The following SBSPON variants were observed in gnomAD, a reference collection of about 807,000 sequenced individuals.
SBSPON encodes somatomedin-B and thrombospondin type-1 domain-containing protein.
A neutral mutation model predicts 35.8 loss-of-function variants in SBSPON; 30 were observed. The observed-to-expected ratio is 0.84, with a 90% CI of 0.63 to 1.14. SBSPON has a LOEUF of 1.14. Among genes scored for constraint, SBSPON ranks in the 50% most tolerant of loss-of-function variants. The pLI, the probability that SBSPON is intolerant of heterozygous loss-of-function variation, is 0.00. For missense variants in SBSPON, 364 were observed against 357.7 expected (o/e 1.02, Z -0.14); for synonymous variants, 136 against 135.9 (o/e 1.00, Z 0.00).
At chr8:73,092,564 C>T (rs72655860) in intron 1 of SBSPON, among the ~76,000 whole-genome samples, 1 of 152,130 alleles carries the variant, frequency 6.6e-6, no homozygotes, top group South Asian at 2.1e-4. Context: ...TCGGAGATTT[C>T]GTCTCTCGGC....
chr8:73,077,658 G>A (rs965341034), intron 2 of SBSPON, among the ~76,000 whole-genome samples: 2 of 152,236 alleles, frequency 1.3e-5, no homozygotes, highest in Admixed American at 6.5e-5. Flanking sequence ...TGCTTAGTGC[G>A]TGGAGCCAAA....
At chr8:73,087,272 T>C (rs1810848219) in intron 1 of SBSPON, among the ~76,000 whole-genome samples, 1 of 152,212 alleles carries the variant, frequency 6.6e-6, no homozygotes, top group Non-Finnish European at 1.5e-5. Flanking sequence ...GTGGTGTGAC[T>C]TTGGACAAGT....
intron 1 of SBSPON, among the ~76,000 whole-genome samples, chr8:73,089,498 A>G (rs909973341): frequency 6.6e-6 from 1 of 151,568 alleles, no homozygotes; most frequent in Non-Finnish European, 1.5e-5. Flanking sequence ...GGGGGTTGCA[A>G]TGAGCCAAGA....
At chr8:73,087,539 G>C (rs552003834) in intron 1 of SBSPON, among the ~76,000 whole-genome samples, 1 of 152,206 alleles carries the variant, frequency 6.6e-6, no homozygotes, top group South Asian at 2.1e-4. Context: ...TTTCTTCAAA[G>C]CCAAAGGCGA....
intron 3 of SBSPON, 29 bp downstream of exon 3, chr8:73,071,751 A>AT (rs749025387): frequency 4.4e-5 from 53 of 1,198,976 alleles, no homozygotes; most frequent in South Asian, 3.6e-4. Context: ...GAAAAACATG[A>AT]TTAAAAAAAA....
chr8:73,083,149 A>C (rs1393126443), intron 1 of SBSPON, among the ~76,000 whole-genome samples: 1 of 152,178 alleles, frequency 6.6e-6, no homozygotes, highest in Non-Finnish European at 1.5e-5. Flanking sequence ...TTGGTCTCAC[A>C]GTTGAAGTCC....
At chr8:73,071,574 C>T (rs1219264904) in intron 3 of SBSPON, among the ~76,000 whole-genome samples, 3 of 151,964 alleles carry the variant, frequency 2.0e-5, no homozygotes, top group African/African-American at 7.3e-5. Context: ...GAAGATTGGA[C>T]CTAAGAGGTA....
At chr8:73,091,355 T>C (rs953484471) in intron 1 of SBSPON, among the ~76,000 whole-genome samples, 2 of 152,206 alleles carry the variant, frequency 1.3e-5, no homozygotes, top group Admixed American at 1.3e-4. Context: ...GCTAAGTGTG[T>C]CGAACAGGAG....
rs1489103351 is a variant in SBSPON at position 73,065,035 on chromosome 8, C to T, written c.*2306G>A. On this transcript the variant is annotated 3_prime_UTR_variant, in exon 5 of 5. Coordinates refer to ENST00000297354, the MANE Select transcript of SBSPON (RefSeq NM_153225.4). ...TAAAAACTTTTGGTTTTTCATTCAT[C>T]ACTTGGACTACATGTTTCAGTTCTG... 6.6e-6 allele frequency: 1 copy of T among 152,146 alleles called. No individual in the cohort carries two copies. Among genetic ancestry groups the T allele is most frequent in the Non-Finnish European group, 1.5e-5 (1 of 68,016 alleles). The allele number at this position is 152,146 out of a possible 1,614,324, so 9.4% of individuals were successfully genotyped here.
At position 73,067,433 on chromosome 8, in the gene SBSPON, T is replaced by A. The variant is rs765862370; in HGVS notation, c.703A>T (p.Ile235Phe). ...GTTCCTTGACACCGAGGATTACCAA[T>A]TGCTTGCCAATGGAGAGTCTGATTT... The part of the protein sequence containing the change: ...DGNQTLHWQA[I>F]GNPRCQGTWK... Residue 235 changes from isoleucine to phenylalanine, a missense_variant, in exon 5 of 5, where the codon ATT (isoleucine) becomes TTT (phenylalanine). Coordinates refer to ENST00000297354, the MANE Select transcript of SBSPON (RefSeq NM_153225.4). 8 of 1,609,156 alleles carry A rather than the reference T, an allele frequency of 5.0e-6. No homozygotes were observed. Among genetic ancestry groups the A allele is most frequent in the Admixed American group, 3.3e-5 (2 of 59,918 alleles).
At chr8:73,073,821 AAAAAC>A (rs1810542315) in intron 2 of SBSPON, among the ~76,000 whole-genome samples, 1 of 151,772 alleles carries the variant, frequency 6.6e-6, no homozygotes, top group African/African-American at 2.4e-5. Flanking sequence ...AAACAAAAAC[AAAAAC>A]AAAAAAAAAC....
rs1586104303 is a variant in SBSPON, at chr8:73,092,983, A to G, written c.85T>C (p.Cys29Arg). 1.9e-6 allele frequency: 3 copies of G among 1,560,290 alleles called. No homozygotes were observed. The highest frequency in any genetic ancestry group is 1.2e-5 in the South Asian group (1 of 84,840). The change falls in exon 1 of 5, where the codon TGT (cysteine) becomes CGT (arginine). Residue 29 changes from cysteine to arginine, a missense_variant. Coordinates refer to ENST00000297354, the MANE Select transcript of SBSPON (RefSeq NM_153225.4). ...QAGCAEAGRC[C>R]PGRDPACFAR... The stretch of plus-strand genomic sequence containing the variant: ...AAGCAGGCGGGGTCCCGGCCGGGAC[A>G]GCAGCGCCCGGCCTCGGCGCAGCCG...
chr8:73,085,334 G>A lies in SBSPON; in HGVS notation c.215-4121C>T, dbSNP rs191245709. 9.9e-5 allele frequency: 15 copies of A among 152,062 alleles called. No individual in the cohort carries two copies. In the East Asian group the frequency reaches 2.7e-3, roughly 27 times the overall value. 9.4% of individuals were successfully genotyped at this position (152,062 alleles called of 1,614,324 possible). On this transcript the variant is annotated intron_variant, in intron 1 of 4. Coordinates refer to ENST00000297354, the MANE Select transcript of SBSPON (RefSeq NM_153225.4). Reference sequence around the variant, plus strand: ...CTCCTGCCAGGACCACATTTTGAAAGTAACAAGCTTCTTTACTTTTATTAT... The same window carrying A: ...CTCCTGCCAGGACCACATTTTGAAAATAACAAGCTTCTTTACTTTTATTAT...
At chr8:73,081,646 A>G (rs1218999111) in intron 1 of SBSPON, among the ~76,000 whole-genome samples, 1 of 152,006 alleles carries the variant, frequency 6.6e-6, no homozygotes, top group Non-Finnish European at 1.5e-5. Context: ...AACAACAAAA[A>G]AAAAAGTATA....
At chr8:73,067,890 G>T (rs564436145) in intron 4 of SBSPON, among the ~76,000 whole-genome samples, 1 of 150,710 alleles carries the variant, frequency 6.6e-6, no homozygotes, top group Non-Finnish European at 1.5e-5. Context: ...CCCTTGTTTA[G>T]TTTCTGTCAA....
In SBSPON at chr8:73,069,982, C is replaced by T; in HGVS notation, c.501-1G>A. 1 of 1,550,738 alleles carries T rather than the reference C, an allele frequency of 6.4e-7. No homozygotes were observed. Among genetic ancestry groups the T allele is most frequent in the South Asian group, 1.2e-5 (1 of 82,076 alleles). ...CTCTGTCTTAAACTCCATACAGTAT[C>T]TACAGCAAAAGAAGTAACAATGACA... On this transcript the variant is annotated splice_acceptor_variant, in intron 3 of 4. Coordinates refer to ENST00000297354, the MANE Select transcript of SBSPON (RefSeq NM_153225.4). LOFTEE classifies it high-confidence loss of function.
intron 1 of SBSPON, among the ~76,000 whole-genome samples, chr8:73,084,799 CTT>C (rs1354077998): frequency 7.0e-6 from 1 of 142,010 alleles, no homozygotes; most frequent in South Asian, 2.3e-4. Flanking sequence ...CACACACACA[CTT>C]ATTTCCTCTC....
intron 2 of SBSPON, among the ~76,000 whole-genome samples, chr8:73,080,807 G>C (rs917503146): frequency 6.6e-6 from 1 of 152,118 alleles, no homozygotes; most frequent in Admixed American, 6.5e-5. Flanking sequence ...AACACACCAA[G>C]GGAAGTGAGG....
intron 2 of SBSPON, among the ~76,000 whole-genome samples, chr8:73,076,591 G>A (rs1346055631): frequency 1.3e-5 from 2 of 151,502 alleles, no homozygotes; most frequent in African/African-American, 4.9e-5. Context: ...AGGTTGCAGT[G>A]AGCCATGATC....
Sources: allele counts gnomAD v4.1 joint callset (sites outside exome capture counted in the v4.1 genomes callset), GRCh38; gene constraint gnomAD v4.1.1; transcripts MANE v1.5; gene names NCBI Gene and HGNC (gene_info 2026-07-23, HGNC 2026-07-21).